The following PDCD10 variants were observed in gnomAD, a reference collection of about 807,000 sequenced individuals.
PDCD10 encodes the protein programmed cell death protein 10.
PDCD10 carries 4 observed loss-of-function variants against 29.2 expected under a neutral mutation model. The observed-to-expected ratio is 0.14, with a 90% CI of 0.07 to 0.31. The LOEUF (loss-of-function observed/expected upper bound fraction) is 0.31. Ranked by LOEUF, PDCD10 falls within the 10% of genes least tolerant of loss-of-function variation. The pLI is 1.00. For synonymous variants in PDCD10, 70 were observed against 82.2 expected, an observed-to-expected ratio of 0.85 and a Z score of 0.80; for missense variants, 183 against 257.9, an observed-to-expected ratio of 0.71 and a Z score of 1.99.
At chr3:167,697,639 C>G (rs1720947757) in intron 4 of PDCD10, among the ~76,000 whole-genome samples, 1 of 152,068 alleles carries the variant, frequency 6.6e-6, no homozygotes, top group Non-Finnish European at 1.5e-5. Flanking sequence ...TATAATAATA[C>G]CTTAACTATT....
intron 8 of PDCD10, among the ~76,000 whole-genome samples, chr3:167,685,535 C>T (rs147851190): frequency 5.0e-4 from 76 of 151,302 alleles, no homozygotes; most frequent in African/African-American, 1.8e-3. Context: ...AGGTATAAAA[C>T]TCAAGCACAT....
chr3:167,715,117 C>A, intron 3 of PDCD10, among the ~76,000 whole-genome samples: 1 of 151,486 alleles, frequency 6.6e-6, no homozygotes, highest in Non-Finnish European at 1.5e-5. Context: ...AATGCATATG[C>A]CTACAATGAA....
chr3:167,720,318 G>C, intron 2 of PDCD10, 45 bp from the exon 3 acceptor site: 1 of 595,116 alleles, frequency 1.7e-6, no homozygotes, highest in Middle Eastern at 3.5e-4. Flanking sequence ...ATATTAAGGA[G>C]AAACGACAAA....
At chr3:167,704,941 A>G (rs771605734) in intron 3 of PDCD10, 46 bp from the exon 4 acceptor site, 1 of 1,193,298 alleles carries the variant, frequency 8.4e-7, no homozygotes, top group Admixed American at 1.8e-5. Flanking sequence ...CTTTCTTGGA[A>G]AAAGCACATT....
Position 167,723,831 on chromosome 3 carries a change from G to A in PDCD10, c.-116-3558C>T, listed in dbSNP as rs189941225. 3.7e-3 allele frequency among the ~76,000 whole-genome samples: 556 copies of A among 152,254 alleles called. 3 individuals are homozygous for A. Among genetic ancestry groups the A allele is most frequent in the Non-Finnish European group, 5.7e-3 (387 of 68,026 alleles). The stretch of plus-strand genomic sequence containing the variant: ...TCAAAAACACCCATTGTGATATTGG[G>A]ATATCAACACAGAGTATAAGCAATC... On this transcript the variant is annotated intron_variant, in intron 2 of 8. Transcript: ENST00000392750.
At chr3:167,702,566 T>C (rs1278890746) in intron 4 of PDCD10, among the ~76,000 whole-genome samples, 1 of 152,160 alleles carries the variant, frequency 6.6e-6, no homozygotes, top group Non-Finnish European at 1.5e-5. Context: ...TCAGCACCTC[T>C]AACCTCCACA....
intron 2 of PDCD10, among the ~76,000 whole-genome samples, chr3:167,726,182 G>A (rs913045203): frequency 2.1e-4 from 29 of 138,116 alleles, no homozygotes; most frequent in African/African-American, 3.9e-4. Flanking sequence ...GTGCAGTGGC[G>A]TACCTCCACC....
chr3:167,709,725 T>G (rs918493075), intron 3 of PDCD10, among the ~76,000 whole-genome samples: 11 of 152,092 alleles, frequency 7.2e-5, no homozygotes, highest in Admixed American at 6.6e-4. Flanking sequence ...TAGGACAGCA[T>G]GCAACCAAAA....
intron 2 of PDCD10, among the ~76,000 whole-genome samples, chr3:167,722,612 AAG>A (rs1723692669): frequency 6.6e-6 from 1 of 152,202 alleles, no homozygotes; most frequent in South Asian, 2.1e-4. Flanking sequence ...TGCAGGGGCT[AAG>A]AGAGTGAGCT....
At chr3:167,688,814 T>G (rs1719922446) in intron 6 of PDCD10, among the ~76,000 whole-genome samples, 1 of 152,210 alleles carries the variant, frequency 6.6e-6, no homozygotes. Context: ...TTTCAGTTAT[T>G]TCCTATCTAA....
intron 4 of PDCD10, among the ~76,000 whole-genome samples, chr3:167,702,837 A>G (rs924576872): frequency 2.0e-5 from 3 of 152,186 alleles, no homozygotes; most frequent in Non-Finnish European, 4.4e-5. Flanking sequence ...TTGAAATGTA[A>G]CAAACTAAAT....
chr3:167,701,571 A>C (rs1238154843), intron 4 of PDCD10, among the ~76,000 whole-genome samples: 2 of 152,198 alleles, frequency 1.3e-5, no homozygotes, highest in East Asian at 3.9e-4. Flanking sequence ...CCATGAGTTC[A>C]ACACTGAAAG....
At chr3:167,701,875 C>A (rs780554911) in intron 4 of PDCD10, among the ~76,000 whole-genome samples, 1 of 151,904 alleles carries the variant, frequency 6.6e-6, no homozygotes, top group Non-Finnish European at 1.5e-5. Flanking sequence ...CCACGGAAAT[C>A]ATGAAAGAGA....
At chr3:167,698,170 A>T (rs1026813392) in intron 4 of PDCD10, among the ~76,000 whole-genome samples, 1 of 152,218 alleles carries the variant, frequency 6.6e-6, no homozygotes, top group Non-Finnish European at 1.5e-5. Flanking sequence ...GATCTCAAGT[A>T]TCAAAAACTG....
chr3:167,693,065 G>A (rs891672664), intron 6 of PDCD10, among the ~76,000 whole-genome samples: 5 of 152,164 alleles, frequency 3.3e-5, no homozygotes, highest in Non-Finnish European at 7.3e-5. Context: ...TGATAGCTGG[G>A]TTGCATACCT....
chr3:167,702,989 A>G (rs1721598306), intron 4 of PDCD10, among the ~76,000 whole-genome samples: 1 of 152,204 alleles, frequency 6.6e-6, no homozygotes, highest in African/African-American at 2.4e-5. Flanking sequence ...AGTGTTAGAT[A>G]ATTAGCTTAT....
chr3:167,710,906 T>G (rs554703344), intron 3 of PDCD10, among the ~76,000 whole-genome samples: 1 of 152,296 alleles, frequency 6.6e-6, no homozygotes, highest in South Asian at 2.1e-4. Context: ...AACAAGACCC[T>G]CTGCCTGGGA....
In PDCD10 at chr3:167,710,319, G is replaced by A. The variant is rs944822896; in HGVS notation, c.97-5424C>T. Among the ~76,000 whole-genome samples, 8 of 152,266 alleles carry A rather than the reference G, an allele frequency of 5.3e-5. 1 individual carries two copies. The highest frequency in any genetic ancestry group is 1.7e-4 in the African/African-American group (7 of 41,548). ...ATTTCTAGACCTGTCCTGGCCCAGA[G>A]AGGAGCCCATTGTCCTGAAGAGTGA... On this transcript the variant is annotated intron_variant, in intron 3 of 8. Transcript: ENST00000392750.
intron 3 of PDCD10, among the ~76,000 whole-genome samples, chr3:167,708,915 T>C (rs561394447): frequency 2.6e-5 from 4 of 152,314 alleles, no homozygotes; most frequent in Non-Finnish European, 4.4e-5. Flanking sequence ...TCAACTTACT[T>C]ATTTCACAGA....
Sources: allele counts gnomAD v4.1 joint callset (sites outside exome capture counted in the v4.1 genomes callset), GRCh38; gene constraint gnomAD v4.1.1; transcripts MANE v1.5; gene names NCBI Gene and HGNC (gene_info 2026-07-23, HGNC 2026-07-21).